Variants in USP24 observed in about 807,000 individuals in gnomAD.
USP24 encodes ubiquitin carboxyl-terminal hydrolase 24.
In USP24, 97 loss-of-function variants were observed where a neutral mutation model predicts 361.6. That is an observed-to-expected ratio of 0.27 (90% confidence interval 0.23 to 0.32). USP24 has a LOEUF of 0.32. Ranked by LOEUF, USP24 falls within the 10% of genes least tolerant of loss-of-function variation. The probability of loss-of-function intolerance (pLI) is 1.00; values close to 1 mark genes in which losing one functional copy is unlikely to be tolerated. For synonymous variants in USP24, 1,098 were observed against 1,124.6 expected (o/e 0.98, Z 0.47); for missense variants, 2,353 against 3,165.6 (o/e 0.74, Z 6.16).
intron 28 of USP24, 110 bp downstream of exon 28, chr1:55,137,405 G>T: frequency 7.7e-7 from 1 of 1,299,266 alleles, no homozygotes; most frequent in Non-Finnish European, 1.0e-6. Context: ...AACACAACAA[G>T]CTTGAACACT....
chr1:55,097,589 A>C lies in USP24; in HGVS notation c.5715+9T>G. 1 of 1,529,596 alleles carries C rather than the reference A, an allele frequency of 6.5e-7. No homozygotes were observed. Among genetic ancestry groups the C allele is most frequent in the Non-Finnish European group, 8.8e-7 (1 of 1,142,408 alleles). 94.8% of individuals were successfully genotyped at this position (1,529,596 alleles called of 1,614,324 possible). A position where few individuals can be genotyped will look rare whatever the true frequency, so the allele number is the denominator to read the frequency against. ...GGTTGTGAAAAATTTCAGGAAGAAA[A>C]AAAGTTACCCTTATTTGTTCATCAT... is the stretch of plus-strand genomic sequence containing the variant. On this transcript the variant is annotated intron_variant, in intron 48 of 67. Coordinates refer to ENST00000294383, the MANE Select transcript of USP24 (RefSeq NM_015306.3).
chr1:55,085,348 A>G (rs897555146), intron 56 of USP24, among the ~76,000 whole-genome samples: 12 of 152,254 alleles, frequency 7.9e-5, no homozygotes, highest in African/African-American at 2.9e-4. Context: ...TAGAATCTGT[A>G]TTTAGTTCAT....
chr1:55,135,978 T>C (rs528232929), intron 28 of USP24, among the ~76,000 whole-genome samples: 104 of 152,226 alleles, frequency 6.8e-4, no homozygotes, highest in Middle Eastern at 3.4e-3. Flanking sequence ...GTTTTAGGTG[T>C]CGAGGACGCA....
chr1:55,143,940 T>C (rs1055104999), intron 21 of USP24, among the ~76,000 whole-genome samples, 187 bp downstream of exon 21: 9 of 152,118 alleles, frequency 5.9e-5, no homozygotes, highest in African/African-American at 1.9e-4. Context: ...GGCATGGTAG[T>C]GCAGGTAGGA....
chr1:55,069,933 C>T (rs1045843178), intron 67 of USP24, among the ~76,000 whole-genome samples: 1 of 145,632 alleles, frequency 6.9e-6, no homozygotes, highest in Non-Finnish European at 1.5e-5. Flanking sequence ...TGCGCAGGTG[C>T]TAGATCAAGC....
In USP24 at chr1:55,129,485, G is replaced by A. The variant is rs139894795; in HGVS notation, c.3627C>T (p.Gly1209=). Residue 1209 remains glycine, a synonymous_variant, in exon 32 of 68, where the codon GGC becomes GGT. Coordinates refer to ENST00000294383, the MANE Select transcript of USP24 (RefSeq NM_015306.3). ...KSFCENFLKA[G]GLSLVVNVMQ... is the part of the protein sequence containing the mutation. Reference sequence around the variant, plus strand: ...TACATTGAAACTCTAACCTCAAACCGCCAGCTTTGAGGAAGTTTTCACAGA... The same window carrying A: ...TACATTGAAACTCTAACCTCAAACCACCAGCTTTGAGGAAGTTTTCACAGA... The A allele has an allele frequency of 7.3e-4, 1,173 of 1,613,284 alleles. 8 individuals carry two copies. The African/African-American group carries it at 0.013, about 18-fold the overall frequency.
chr1:55,134,531 T>C, intron 28 of USP24, 118 bp from the exon 29 acceptor site: 1 of 848,188 alleles, frequency 1.2e-6, no homozygotes, highest in Non-Finnish European at 1.9e-6. Flanking sequence ...ACTGTAAAGC[T>C]TGAGGGAAGC....
intron 24 of USP24, among the ~76,000 whole-genome samples, chr1:55,139,934 T>G (rs1046095164): frequency 2.6e-5 from 4 of 152,168 alleles, no homozygotes; most frequent in Non-Finnish European, 5.9e-5. Context: ...TGAACTATTT[T>G]TTAATTATGC....
chr1:55,196,107 C>T lies in USP24; in HGVS notation c.325-17975G>A, dbSNP rs935258206. On this transcript the variant is annotated intron_variant, in intron 1 of 67. Coordinates refer to ENST00000294383, the MANE Select transcript of USP24 (RefSeq NM_015306.3). Reference sequence around the variant, plus strand: ...AATTCTCAGTTCTCATCTTACCGGACCCATCAGCAATATTTAACAGTGGAT... The same window carrying T: ...AATTCTCAGTTCTCATCTTACCGGATCCATCAGCAATATTTAACAGTGGAT... Among the ~76,000 whole-genome samples, 4 of 152,102 alleles carry T rather than the reference C, an allele frequency of 2.6e-5. No individual in the cohort carries two copies. The East Asian group carries it at 7.7e-4, about 29-fold the overall frequency.
intron 66 of USP24, 84 bp downstream of exon 66, chr1:55,072,233 C>A: frequency 8.9e-7 from 1 of 1,128,318 alleles, no homozygotes; most frequent in Middle Eastern, 2.0e-4. Context: ...TACCTCTCTT[C>A]TCAGAGGTTG....
At chr1:55,194,398 G>GGAT (rs1644365041) in intron 1 of USP24, among the ~76,000 whole-genome samples, 1 of 152,084 alleles carries the variant, frequency 6.6e-6, no homozygotes, top group Non-Finnish European at 1.5e-5. Flanking sequence ...CACAGATGAG[G>GGAT]GATAATTCAT....
At chr1:55,194,776 T>C (rs977459667) in intron 1 of USP24, among the ~76,000 whole-genome samples, 1 of 152,094 alleles carries the variant, frequency 6.6e-6, no homozygotes, top group African/African-American at 2.4e-5. Flanking sequence ...ATCTGTTACT[T>C]CTCTAACATT....
At chr1:55,151,550 T>G (rs1647192213) in intron 16 of USP24, among the ~76,000 whole-genome samples, 4 of 152,098 alleles carry the variant, frequency 2.6e-5, no homozygotes, top group African/African-American at 9.7e-5. Context: ...GATAAACAAC[T>G]TAAGGAATAT....
chr1:55,160,297 A>G (rs1201308914), intron 8 of USP24, among the ~76,000 whole-genome samples: 4 of 152,252 alleles, frequency 2.6e-5, no homozygotes, highest in Admixed American at 6.5e-5. Context: ...CCAAGAATAC[A>G]TTAGCAATGA....
chr1:55,147,161 T>C, intron 18 of USP24, 101 bp from the exon 19 acceptor site: 1 of 1,175,270 alleles, frequency 8.5e-7, no homozygotes. Context: ...CAGTTTTACT[T>C]AATCCTTTTT....
intron 1 of USP24, among the ~76,000 whole-genome samples, chr1:55,205,160 C>T (rs1435512682): frequency 6.6e-6 from 1 of 152,090 alleles, no homozygotes; most frequent in Non-Finnish European, 1.5e-5. Context: ...CATTCCATCC[C>T]TTTGGCCAAA....
chr1:55,089,639 C>T lies in USP24; in HGVS notation c.6656G>A (p.Arg2219Gln), dbSNP rs544108415. 3 of 1,583,882 alleles carry T rather than the reference C, an allele frequency of 1.9e-6. No individual in the cohort carries two copies. Among genetic ancestry groups the T allele is most frequent in the Non-Finnish European group, 2.6e-6 (3 of 1,163,914 alleles). Residue 2219 changes from arginine (R) to glutamine (Q), a missense_variant, in exon 55 of 68, where the codon CGA becomes CAA. Physicochemically the swap from Arg to Gln is conservative, Grantham distance 43. This residue lies in a region of USP24 where 598 missense variants were observed against 761.9 expected (regional missense o/e 0.78). Transcript: ENST00000294383. ...CTCCAACACTTACTTTATCAATTCT[C>T]GTCCTTCAGAACTAATAAAATATTC... ...LVEYFISSEG[R>Q]ELIKIFLLEC...
chr1:55,073,063 A>AT, intron 64 of USP24: 1 of 572,164 alleles, frequency 1.7e-6, no homozygotes, highest in Non-Finnish European at 3.1e-6. Context: ...GAAGGGAGGA[A>AT]TAGGGAGTCA....
Position 55,086,542 on chromosome 1 carries a change from A to T in USP24, c.6669-504T>A, listed in dbSNP as rs544153075. 2.0e-3 allele frequency: 308 copies of T among 156,442 alleles called. 12 individuals carry two copies. The South Asian group carries it at 0.057, about 29-fold the overall frequency. 9.7% of individuals were successfully genotyped at this position (156,442 alleles called of 1,614,324 possible). A position where few individuals can be genotyped will look rare whatever the true frequency, so the allele number is the denominator to read the frequency against. ...CATGTGTGGACCTCACTGGATCCTGATTTGTGCAAACTCAATGGTAAAATG... is the reference window on the plus strand; with the variant it reads ...CATGTGTGGACCTCACTGGATCCTGTTTTGTGCAAACTCAATGGTAAAATG... On this transcript the variant is annotated intron_variant, in intron 55 of 67. Coordinates refer to ENST00000294383, the MANE Select transcript of USP24 (RefSeq NM_015306.3).
Sources: gnomAD v4.1 joint callset for allele counts (sites outside exome capture counted in the v4.1 genomes callset) on GRCh38, gnomAD v4.1.1 for gene constraint, gnomAD v4.1.1 regional missense constraint, MANE v1.5 for transcripts, NCBI Gene and HGNC (gene_info 2026-07-23, HGNC 2026-07-21) for gene names.